Variants in SDK1 observed in about 807,000 individuals in gnomAD.
SDK1 encodes protein sidekick-1.
A neutral mutation model predicts 245.5 loss-of-function variants in SDK1; 157 were observed. The observed-to-expected ratio is 0.64, with a 90% confidence interval of 0.56 to 0.73. The LOEUF (loss-of-function observed/expected upper bound fraction) is 0.73. Ranked by LOEUF, SDK1 falls within the 30% of genes least tolerant of loss-of-function variation. The pLI, the probability that SDK1 is intolerant of heterozygous loss-of-function variation, is 0.00. For missense variants in SDK1, 3,583 were observed against 3,002.3 expected (o/e 1.19, Z -4.52); for synonymous variants, 1,647 against 1,278.5 (o/e 1.29, Z -6.15).
chr7:3,574,773 C>G (rs1421878598), intron 1 of SDK1, among the ~76,000 whole-genome samples: 1 of 152,036 alleles, frequency 6.6e-6, no homozygotes, highest in African/African-American at 2.4e-5. Flanking sequence ...ACCAACTACT[C>G]AAAGGCAGAA....
chr7:3,659,993 G>A (rs1459922292), intron 4 of SDK1, among the ~76,000 whole-genome samples: 1 of 152,176 alleles, frequency 6.6e-6, no homozygotes, highest in African/African-American at 2.4e-5. Context: ...GGCTTGTTCA[G>A]TTTGAGATGC....
intron 1 of SDK1, among the ~76,000 whole-genome samples, chr7:3,523,628 T>C (rs1190250534): frequency 6.6e-6 from 1 of 152,162 alleles, no homozygotes; most frequent in East Asian, 1.9e-4. Flanking sequence ...CAAGCATTTG[T>C]GATACCTCAA....
intron 4 of SDK1, among the ~76,000 whole-genome samples, chr7:3,745,389 A>G (rs1314912946): frequency 6.6e-6 from 1 of 152,198 alleles, no homozygotes; most frequent in East Asian, 1.9e-4. Context: ...AGAATCCTAT[A>G]AAACCTTCAC....
chr7:3,498,454 T>C (rs576490566), intron 1 of SDK1, among the ~76,000 whole-genome samples: 1 of 152,320 alleles, frequency 6.6e-6, no homozygotes, highest in African/African-American at 2.4e-5. Context: ...AGCTTTCTCA[T>C]TGCATTTTTG....
chr7:3,440,271 A>T (rs562456585), intron 1 of SDK1, among the ~76,000 whole-genome samples: 2 of 152,262 alleles, frequency 1.3e-5, no homozygotes, highest in East Asian at 3.9e-4. Context: ...GCATTCAGGT[A>T]TATTTTTTCA....
intron 17 of SDK1, among the ~76,000 whole-genome samples, chr7:4,047,041 G>T (rs772059873): frequency 3.9e-5 from 6 of 152,130 alleles, no homozygotes; most frequent in Non-Finnish European, 8.8e-5. Flanking sequence ...TCCGTGCACA[G>T]CTATTGCACG....
chr7:4,112,223 G>T (rs1783395215), intron 23 of SDK1, among the ~76,000 whole-genome samples: 1 of 152,144 alleles, frequency 6.6e-6, no homozygotes. Context: ...AAGGCAGGAA[G>T]ACTCCAAGCA....
chr7:3,972,762 G>T (rs1029559032), intron 12 of SDK1, among the ~76,000 whole-genome samples: 21 of 152,182 alleles, frequency 1.4e-4, no homozygotes, highest in African/African-American at 5.1e-4. Flanking sequence ...CGCGCTTCTT[G>T]AGCGGGTGTT....
At chr7:4,182,285 G>A (rs1017278577) in intron 35 of SDK1, among the ~76,000 whole-genome samples, 8 of 152,144 alleles carry the variant, frequency 5.3e-5, no homozygotes, top group Non-Finnish European at 8.8e-5. Context: ...CCTCTGTGCG[G>A]TATCCTGGGT....
intron 1 of SDK1, among the ~76,000 whole-genome samples, chr7:3,611,680 C>T (rs2128642290): frequency 6.6e-6 from 1 of 152,226 alleles, no homozygotes; most frequent in Middle Eastern, 3.4e-3. Flanking sequence ...TAAAAGTGTT[C>T]CCTTTTCACC....
intron 4 of SDK1, among the ~76,000 whole-genome samples, chr7:3,725,326 C>T (rs1244630728): frequency 6.6e-6 from 1 of 152,176 alleles, no homozygotes. Context: ...AAGGAACTGT[C>T]CTTCTCAAAG....
chr7:3,581,813 G>A (rs1267194329), intron 1 of SDK1, among the ~76,000 whole-genome samples: 2 of 152,208 alleles, frequency 1.3e-5, no homozygotes, highest in Non-Finnish European at 2.9e-5. Context: ...ATACTATGCG[G>A]CCATGAAATA....
At chr7:4,088,069 A>T (rs1781540227) in intron 22 of SDK1, among the ~76,000 whole-genome samples, 2 of 152,198 alleles carry the variant, frequency 1.3e-5, no homozygotes, top group African/African-American at 4.8e-5. Flanking sequence ...GTCACAGATG[A>T]GACATCAAGG....
intron 1 of SDK1, among the ~76,000 whole-genome samples, chr7:3,601,771 C>T (rs974970419): frequency 6.6e-6 from 1 of 151,474 alleles, no homozygotes; most frequent in African/African-American, 2.4e-5. Context: ...TGGTGTGCTG[C>T]ACCCATTAAC....
intron 13 of SDK1, among the ~76,000 whole-genome samples, chr7:3,979,142 A>C (rs1183013676): frequency 6.6e-6 from 1 of 152,098 alleles, no homozygotes; most frequent in Non-Finnish European, 1.5e-5. Context: ...GTGACTTTGG[A>C]CAAATCCCCT....
intron 26 of SDK1, among the ~76,000 whole-genome samples, chr7:4,128,232 G>A (rs528268637): frequency 1.2e-4 from 18 of 152,274 alleles, no homozygotes; most frequent in South Asian, 1.0e-3. Context: ...GGTTTTGAGC[G>A]TGCCTCCTCC....
rs548025324 is a variant in SDK1 at position 3,591,856 on chromosome 7, T to C, written c.299-27224T>C. Among the ~76,000 whole-genome samples, 14 of 152,296 alleles carry C rather than the reference T, an allele frequency of 9.2e-5. 1 individual carries two copies. Among genetic ancestry groups the C allele is most frequent in the African/African-American group, 3.4e-4 (14 of 41,558 alleles). ...ACCTTTAAATTAGTGATTCTCAAAC[T>C]TTGAGTGCATAAGGATCAGATACAG... On this transcript the variant is annotated intron_variant, in intron 1 of 44. Transcript: ENST00000404826.
At chr7:4,064,278 G>A (rs988241073) in intron 19 of SDK1, among the ~76,000 whole-genome samples, 3 of 152,092 alleles carry the variant, frequency 2.0e-5, no homozygotes, top group African/African-American at 7.2e-5. Flanking sequence ...ATAAACCCTT[G>A]TCAAAAGCAG....
intron 5 of SDK1, among the ~76,000 whole-genome samples, chr7:3,873,478 G>C (rs1220986462): frequency 6.6e-6 from 1 of 151,798 alleles, no homozygotes; most frequent in Non-Finnish European, 1.5e-5. Context: ...TTGATGATTT[G>C]GTGTCTGTCA....
Sources: gnomAD v4.1 joint callset for allele counts (sites outside exome capture counted in the v4.1 genomes callset) on GRCh38, gnomAD v4.1.1 for gene constraint, MANE v1.5 for transcripts, NCBI Gene and HGNC (gene_info 2026-07-23, HGNC 2026-07-21) for gene names.